Variants in RGS6 observed in about 807,000 individuals in gnomAD.
RGS6 encodes the protein regulator of G protein signaling 6.
In RGS6, 30 loss-of-function variants were observed where a neutral mutation model predicts 78.5. The ratio of observed to expected loss-of-function variants is 0.38; its 90% CI spans 0.29 to 0.52. RGS6 has a LOEUF of 0.52. Ranked by LOEUF, RGS6 falls within the 20% of genes least tolerant of loss-of-function variation. The probability of loss-of-function intolerance (pLI) is 0.85; values close to 1 mark genes in which losing one functional copy is unlikely to be tolerated. For missense variants in RGS6, 495 were observed against 609.7 expected (o/e 0.81, Z 1.98); for synonymous variants, 206 against 206.0 (o/e 1.00, Z 0.00).
the RGS6 span, among the ~76,000 whole-genome samples, chr14:71,893,828 T>C: frequency 6.6e-5 from 10 of 152,146 alleles, no homozygotes. Context: ...CAAAGACAAT[T>C]TGTGCGCAGT....
chr14:71,869,550 TC>T, the RGS6 span, among the ~76,000 whole-genome samples: 1 of 152,216 alleles, frequency 6.6e-6, no homozygotes, highest in African/African-American at 2.4e-5. Context: ...TTAACAAGCT[TC>T]CCCAACAAAG....
the RGS6 span, among the ~76,000 whole-genome samples, chr14:71,874,582 C>G: frequency 6.6e-6 from 1 of 152,224 alleles, no homozygotes; most frequent in Non-Finnish European, 1.5e-5. Context: ...ATCATATCAT[C>G]TGCAAACAGG....
chr14:72,549,271 G>A (rs186856320), intron 17 of RGS6, among the ~76,000 whole-genome samples: 9 of 150,902 alleles, frequency 6.0e-5, no homozygotes, highest in South Asian at 2.1e-4. Context: ...ATTTGCTGCC[G>A]CAGCAGCTGA....
At chr14:71,873,074 C>T in the RGS6 span, among the ~76,000 whole-genome samples, 1 of 152,144 alleles carries the variant, frequency 6.6e-6, no homozygotes, top group Non-Finnish European at 1.5e-5. Context: ...CAAGTCTTTG[C>T]TATTGTGAAT....
At chr14:72,374,132 C>T (rs1296155505) in intron 3 of RGS6, among the ~76,000 whole-genome samples, 2 of 152,028 alleles carry the variant, frequency 1.3e-5, no homozygotes, top group Non-Finnish European at 2.9e-5. Context: ...GGTACATGTG[C>T]ACAACATGCA....
At chr14:72,456,481 A>G (rs971061606) in intron 4 of RGS6, among the ~76,000 whole-genome samples, 5 of 152,038 alleles carry the variant, frequency 3.3e-5, no homozygotes, top group Non-Finnish European at 7.4e-5. Flanking sequence ...TTTTGTAGAG[A>G]TGGGGATCTC....
intron 2 of RGS6, among the ~76,000 whole-genome samples, chr14:72,287,892 T>C (rs2062872789): frequency 6.6e-6 from 1 of 152,262 alleles, no homozygotes; most frequent in Admixed American, 6.5e-5. Flanking sequence ...ATGTATATTA[T>C]ATCAATTGAT....
At chr14:72,351,243 A>T (rs2079058038) in intron 2 of RGS6, among the ~76,000 whole-genome samples, 1 of 152,198 alleles carries the variant, frequency 6.6e-6, no homozygotes, top group Non-Finnish European at 1.5e-5. Flanking sequence ...AAACAAAAAG[A>T]TGTATCCTTA....
chr14:72,500,228 G>A (rs747760375), intron 13 of RGS6, among the ~76,000 whole-genome samples: 6 of 152,150 alleles, frequency 3.9e-5, no homozygotes, highest in East Asian at 1.9e-4. Flanking sequence ...TTCTAGCTTC[G>A]ACTCTGAACT....
chr14:72,435,785 TCTC>T (rs1566840757), intron 3 of RGS6, among the ~76,000 whole-genome samples: 1 of 133,410 alleles, frequency 7.5e-6, no homozygotes, highest in Admixed American at 7.7e-5. Flanking sequence ...TGTTATCACA[TCTC>T]CTCTCTCTGA....
intron 17 of RGS6, among the ~76,000 whole-genome samples, chr14:72,548,373 T>G (rs942823883): frequency 4.7e-5 from 7 of 149,206 alleles, no homozygotes; most frequent in South Asian, 4.3e-4. Context: ...GTGTGTGTGT[T>G]TTAAATTCAG....
At chr14:72,567,539 G>A (rs2097714992), downstream of RGS6, among the ~76,000 whole-genome samples, 1 of 152,160 alleles carries the variant, frequency 6.6e-6, no homozygotes, top group Admixed American at 6.5e-5. Context: ...AACACAAAAA[G>A]CTGTGCCGGT....
At chr14:72,312,862 G>C (rs2069000000) in intron 2 of RGS6, among the ~76,000 whole-genome samples, 1 of 152,116 alleles carries the variant, frequency 6.6e-6, no homozygotes, top group African/African-American at 2.4e-5. Flanking sequence ...CAAAGCAAAG[G>C]GGTCTAAATA....
At chr14:71,878,820 G>T in the RGS6 span, among the ~76,000 whole-genome samples, 1 of 152,134 alleles carries the variant, frequency 6.6e-6, no homozygotes, top group East Asian at 1.9e-4. Flanking sequence ...TGGCCATCTT[G>T]GAACCTCTAC....
At chr14:71,898,877 G>A in the RGS6 span, among the ~76,000 whole-genome samples, 2 of 152,070 alleles carry the variant, frequency 1.3e-5, no homozygotes, top group African/African-American at 4.8e-5. Flanking sequence ...AGTAACCCAT[G>A]GTGTATATGT....
intron 2 of RGS6, among the ~76,000 whole-genome samples, chr14:72,093,947 C>T (rs141222932): frequency 6.6e-6 from 1 of 151,936 alleles, no homozygotes; most frequent in East Asian, 1.9e-4. Flanking sequence ...CATGAGTTTA[C>T]AATCTAATTG....
At chr14:72,588,065 C>T in the RGS6 span, among the ~76,000 whole-genome samples, 1 of 152,092 alleles carries the variant, frequency 6.6e-6, no homozygotes, top group Non-Finnish European at 1.5e-5. Flanking sequence ...TACAATTCTC[C>T]CTAGGGATTC....
intron 2 of RGS6, among the ~76,000 whole-genome samples, chr14:72,231,275 A>G (rs931920479): frequency 3.3e-5 from 5 of 150,950 alleles, no homozygotes; most frequent in Non-Finnish European, 7.4e-5. Flanking sequence ...TATCACATTA[A>G]TTTTAAATTA....
the RGS6 span, among the ~76,000 whole-genome samples, chr14:71,868,038 T>G: frequency 1.3e-5 from 2 of 152,104 alleles, no homozygotes; most frequent in Non-Finnish European, 2.9e-5. Context: ...AACAGAAAAG[T>G]AGTTACAACC....
Sources: gnomAD v4.1 joint callset for allele counts (sites outside exome capture counted in the v4.1 genomes callset) on GRCh38, gnomAD v4.1.1 for gene constraint, MANE v1.5 for transcripts, NCBI Gene and HGNC (gene_info 2026-07-23, HGNC 2026-07-21) for gene names.